The following TRIQK variants were observed in gnomAD, a reference collection of about 807,000 sequenced individuals.
TRIQK encodes triple QxxK/R motif-containing protein.
Under a neutral mutation model 10.8 loss-of-function variants are expected in TRIQK, and 10 were observed. The ratio of observed to expected loss-of-function variants is 0.92; its 90% CI spans 0.57 to 1.57. The LOEUF (loss-of-function observed/expected upper bound fraction) is 1.57. Among genes scored for constraint, TRIQK ranks in the 40% most tolerant of loss-of-function variants. The pLI is 0.00. For synonymous variants in TRIQK, 33 were observed against 33.7 expected, an observed-to-expected ratio of 0.98 and a Z score of 0.07; for missense variants, 107 against 97.7, an observed-to-expected ratio of 1.09 and a Z score of -0.40.
At chr8:92,977,372 C>G (rs1812943877) in intron 1 of TRIQK, among the ~76,000 whole-genome samples, 1 of 151,714 alleles carries the variant, frequency 6.6e-6, no homozygotes, top group African/African-American at 2.4e-5. Flanking sequence ...CTTTTTTTCT[C>G]TCTGTATATA....
chr8:92,948,873 T>C (rs1325301931), intron 2 of TRIQK, among the ~76,000 whole-genome samples: 1 of 152,234 alleles, frequency 6.6e-6, no homozygotes, highest in Non-Finnish European at 1.5e-5. Context: ...TCCTTATATA[T>C]TCTAAATGTG....
At chr8:92,909,821 C>A (rs923495041) in intron 3 of TRIQK, among the ~76,000 whole-genome samples, 1 of 151,288 alleles carries the variant, frequency 6.6e-6, no homozygotes, top group Non-Finnish European at 1.5e-5. Context: ...CAAAAAAGTC[C>A]ACAAACATTT....
intron 4 of TRIQK, among the ~76,000 whole-genome samples, chr8:92,891,036 T>G (rs1816739098): frequency 6.6e-6 from 1 of 151,846 alleles, no homozygotes. Context: ...GAAGAGATGG[T>G]GTTGTGCAAA....
At chr8:92,948,400 A>G (rs1323534826) in intron 2 of TRIQK, among the ~76,000 whole-genome samples, 1 of 152,184 alleles carries the variant, frequency 6.6e-6, no homozygotes, top group African/African-American at 2.4e-5. Flanking sequence ...ACAAATGATC[A>G]TTTTACAGCA....
intron 3 of TRIQK, among the ~76,000 whole-genome samples, chr8:92,899,422 A>G (rs1251721843): frequency 1.3e-5 from 2 of 151,810 alleles, no homozygotes; most frequent in Non-Finnish European, 2.9e-5. Flanking sequence ...GTCTCTGGTT[A>G]CCATCCTTTT....
At chr8:92,955,183 G>GT in intron 1 of TRIQK, among the ~76,000 whole-genome samples, 1 of 151,822 alleles carries the variant, frequency 6.6e-6, no homozygotes, top group Middle Eastern at 3.4e-3. Context: ...TAAAATTTAA[G>GT]TATTTCCAAA....
At chr8:92,922,003 T>C (rs1810217807) in intron 2 of TRIQK, among the ~76,000 whole-genome samples, 1 of 151,874 alleles carries the variant, frequency 6.6e-6, no homozygotes, top group Non-Finnish European at 1.5e-5. Flanking sequence ...AAACCTATTT[T>C]TCTAATCATA....
intron 2 of TRIQK, among the ~76,000 whole-genome samples, chr8:92,920,100 GTATT>G (rs1292176644): frequency 6.7e-6 from 1 of 150,308 alleles, no homozygotes; most frequent in Non-Finnish European, 1.5e-5. Context: ...GATTTTTTTT[GTATT>G]TTTTTGTCAC....
At chr8:92,914,402 A>G (rs553927622) in intron 3 of TRIQK, among the ~76,000 whole-genome samples, 1 of 152,336 alleles carries the variant, frequency 6.6e-6, no homozygotes, top group South Asian at 2.1e-4. Flanking sequence ...TAAACTAAAA[A>G]TCTTCTGCAT....
intron 1 of TRIQK, among the ~76,000 whole-genome samples, chr8:92,993,823 A>G (rs1033557858): frequency 6.6e-6 from 1 of 152,202 alleles, no homozygotes; most frequent in Non-Finnish European, 1.5e-5. Context: ...GGAACTGTCT[A>G]TTAGGCTTTA....
intron 3 of TRIQK, among the ~76,000 whole-genome samples, chr8:92,909,149 T>C (rs1025389065): frequency 9.2e-5 from 14 of 151,944 alleles, no homozygotes; most frequent in African/African-American, 3.1e-4. Flanking sequence ...TTAAAAAAAC[T>C]CTAGTAACTA....
At chr8:92,913,730 C>A (rs1333694099) in intron 3 of TRIQK, among the ~76,000 whole-genome samples, 1 of 152,108 alleles carries the variant, frequency 6.6e-6, no homozygotes, top group Non-Finnish European at 1.5e-5. Context: ...CAATGCCCAT[C>A]AATGATAGAC....
chr8:92,945,121 T>C (rs549182822), intron 2 of TRIQK, among the ~76,000 whole-genome samples: 18 of 152,282 alleles, frequency 1.2e-4, no homozygotes, highest in African/African-American at 4.3e-4. Flanking sequence ...TCATTACCCA[T>C]TATCCTATGT....
chr8:92,967,540 G>A (rs1198747579), upstream of TRIQK, among the ~76,000 whole-genome samples: 1 of 151,964 alleles, frequency 6.6e-6, no homozygotes, highest in Non-Finnish European at 1.5e-5. Context: ...TATTTGGTTT[G>A]GCCAGGTGTG....
At chr8:92,985,088 C>T (rs956376320) in intron 1 of TRIQK, among the ~76,000 whole-genome samples, 3 of 151,744 alleles carry the variant, frequency 2.0e-5, no homozygotes, top group East Asian at 3.9e-4. Flanking sequence ...TACTATTATA[C>T]GTTTGTTTCA....
chr8:92,990,455 C>T (rs1420657931), intron 1 of TRIQK, among the ~76,000 whole-genome samples: 6 of 152,070 alleles, frequency 3.9e-5, no homozygotes, highest in African/African-American at 1.4e-4. Flanking sequence ...ACGTAGTTGT[C>T]GCTGGCAAGA....
intron 1 of TRIQK, among the ~76,000 whole-genome samples, chr8:92,987,996 CTTTCTT>C (rs1240490146): frequency 4.8e-5 from 6 of 125,388 alleles, no homozygotes; most frequent in Non-Finnish European, 9.8e-5. Flanking sequence ...ATACTTTATA[CTTTCTT>C]TTTTTTTTTT....
chr8:92,961,882 G>A (rs1359884069), intron 1 of TRIQK, among the ~76,000 whole-genome samples: 2 of 152,154 alleles, frequency 1.3e-5, no homozygotes, highest in Non-Finnish European at 2.9e-5. Flanking sequence ...CACTTCAGTG[G>A]CTTAAAAGTC....
intron 2 of TRIQK, among the ~76,000 whole-genome samples, chr8:92,950,103 G>T (rs1811817160): frequency 1.3e-5 from 2 of 152,018 alleles, no homozygotes; most frequent in South Asian, 4.1e-4. Flanking sequence ...AGTATCTTTG[G>T]ATAACTTTTA....
Sources: gnomAD v4.1 joint callset for allele counts (sites outside exome capture counted in the v4.1 genomes callset) on GRCh38, gnomAD v4.1.1 for gene constraint, MANE v1.5 for transcripts, NCBI Gene and HGNC (gene_info 2026-07-23, HGNC 2026-07-21) for gene names.